Variants in NUDCD3 observed in about 807,000 individuals in gnomAD.
NUDCD3 encodes the protein nudC domain-containing protein 3.
Under a neutral mutation model 39.7 loss-of-function variants are expected in NUDCD3, and 13 were observed. That is an observed-to-expected ratio of 0.33 (90% CI 0.21 to 0.52). NUDCD3 has a LOEUF of 0.52. NUDCD3 is among the 20% of genes least tolerant of loss of function. NUDCD3 has a pLI of 0.96. For synonymous variants in NUDCD3, 175 were observed against 172.4 expected, an observed-to-expected ratio of 1.02 and a Z score of -0.12; for missense variants, 453 against 458.1, an observed-to-expected ratio of 0.99 and a Z score of 0.10.
rs115009109 is a variant in NUDCD3 at position 44,460,237 on chromosome 7, G to A, written c.509+24731C>T. Among the ~76,000 whole-genome samples, 458 of 152,330 alleles carry A rather than the reference G, an allele frequency of 3.0e-3. 4 individuals carry two copies. Among genetic ancestry groups the A allele is most frequent in the African/African-American group, 0.01 (422 of 41,568 alleles). ...ATAATATCCAGACTCCCATCAATGA[G>A]TAAGTGGAGTTAATGAGTTAACAAA... On this transcript the variant is annotated intron_variant, in intron 2 of 5. Coordinates refer to ENST00000355451, the MANE Select transcript of NUDCD3 (RefSeq NM_015332.4).
chr7:44,446,930 T>C (rs1799699695), intron 2 of NUDCD3, among the ~76,000 whole-genome samples: 1 of 152,230 alleles, frequency 6.6e-6, no homozygotes, highest in African/African-American at 2.4e-5. Flanking sequence ...ATTACATTCA[T>C]TTGAGAATTC....
chr7:44,385,298 A>G lies in NUDCD3; in HGVS notation c.*713T>C, dbSNP rs868800263. ...GCCGGGCTTGGTTCACTTCAACAAGAACCAAAGCAAGGTCGCCACAGTCAG... is the reference window on the plus strand; with the variant it reads ...GCCGGGCTTGGTTCACTTCAACAAGGACCAAAGCAAGGTCGCCACAGTCAG... On this transcript the variant is annotated 3_prime_UTR_variant, in exon 6 of 6. Coordinates refer to ENST00000355451, the MANE Select transcript of NUDCD3 (RefSeq NM_015332.4). The G allele has an allele frequency of 1.3e-5, 2 of 152,238 alleles. No homozygotes were observed. Among genetic ancestry groups the G allele is most frequent in the African/African-American group, 4.8e-5 (2 of 41,396 alleles). The allele number at this position is 152,238 out of a possible 1,614,324, so 9.4% of individuals were successfully genotyped here.
chr7:44,459,596 A>T (rs941503939), intron 2 of NUDCD3, among the ~76,000 whole-genome samples: 1 of 152,244 alleles, frequency 6.6e-6, no homozygotes, highest in Non-Finnish European at 1.5e-5. Context: ...ATAGAACTGG[A>T]TAATTCTATT....
At position 44,404,573 on chromosome 7, in the gene NUDCD3, G is replaced by C; in HGVS notation, c.653C>G (p.Ala218Gly). The change falls in exon 4 of 6, where the codon GCC (alanine) becomes GGC (glycine). Residue 218 changes from alanine to glycine, a missense_variant. By Grantham distance (60) the Ala-to-Gly change is moderately conservative. Transcript: ENST00000355451. ...CACACGAATGGAGCTGCTGCTAAGG[G>C]CCACTGAGACCTGGGGACACAGCAG... Reference protein sequence around the residue: ...HVVKGKQVSVALSSSSIRVAM... With the variant: ...HVVKGKQVSVGLSSSSIRVAM... 6.2e-7 allele frequency: 1 copy of C among 1,613,772 alleles called. No individual in the cohort carries two copies. The highest frequency in any genetic ancestry group is 8.5e-7 in the Non-Finnish European group (1 of 1,179,970).
chr7:44,477,729 T>C (rs1286338434), intron 2 of NUDCD3, among the ~76,000 whole-genome samples: 2 of 152,098 alleles, frequency 1.3e-5, no homozygotes, highest in African/African-American at 4.8e-5. Context: ...TAATCATGTC[T>C]GCAGGCACTG....
intron 3 of NUDCD3, among the ~76,000 whole-genome samples, chr7:44,409,580 T>C (rs760460346): frequency 3.3e-5 from 5 of 150,430 alleles, no homozygotes; most frequent in Non-Finnish European, 5.9e-5. Context: ...AAAAAAAAAT[T>C]AGACAAAGAA....
In NUDCD3 at chr7:44,384,617, A is replaced by G. The variant is rs991669084; in HGVS notation, c.*1394T>C. 1 of 152,202 alleles carries G rather than the reference A, an allele frequency of 6.6e-6. No homozygotes were observed. The highest frequency in any genetic ancestry group is 6.5e-5 in the Admixed American group (1 of 15,286). The allele number at this position is 152,202 out of a possible 1,614,324, so 9.4% of individuals were successfully genotyped here. On this transcript the variant is annotated 3_prime_UTR_variant, in exon 6 of 6. Transcript: ENST00000355451. ...CCCCACAACCCAAGTATCCATAGAG[A>G]GTGTGCAGGAGCGGGGACCTTCCCC...
intron 3 of NUDCD3, among the ~76,000 whole-genome samples, chr7:44,413,966 G>A (rs1798975749): frequency 6.6e-6 from 1 of 151,756 alleles, no homozygotes; most frequent in South Asian, 2.1e-4. Context: ...GAGATGGGAA[G>A]ATTGCTTAAG....
chr7:44,475,685 AG>A (rs1437120291), intron 2 of NUDCD3, among the ~76,000 whole-genome samples: 2 of 152,100 alleles, frequency 1.3e-5, no homozygotes, highest in African/African-American at 2.4e-5. Flanking sequence ...GCTTGAGCCC[AG>A]GAAGTCGAGG....
intron 4 of NUDCD3, among the ~76,000 whole-genome samples, chr7:44,399,453 T>C (rs1798681477): frequency 1.3e-5 from 2 of 152,228 alleles, no homozygotes; most frequent in Admixed American, 1.3e-4. Context: ...TCTGAGTTTA[T>C]GAAGAAGTAT....
chr7:44,469,621 CA>C (rs1800210236), intron 2 of NUDCD3, among the ~76,000 whole-genome samples: 1 of 152,154 alleles, frequency 6.6e-6, no homozygotes. Flanking sequence ...AGTAACTCCA[CA>C]GTGGAAGAAA....
At chr7:44,440,254 T>C (rs1158946413) in intron 2 of NUDCD3, among the ~76,000 whole-genome samples, 2 of 152,206 alleles carry the variant, frequency 1.3e-5, no homozygotes, top group Non-Finnish European at 2.9e-5. Flanking sequence ...CTCTGTGGTA[T>C]TCCTCTCCAA....
At chr7:44,387,929 A>T (rs980173725) in intron 5 of NUDCD3, among the ~76,000 whole-genome samples, 1 of 152,186 alleles carries the variant, frequency 6.6e-6, no homozygotes, top group Non-Finnish European at 1.5e-5. Flanking sequence ...GATCCTAGAC[A>T]CAGACACATC....
intron 2 of NUDCD3, among the ~76,000 whole-genome samples, chr7:44,462,444 A>C (rs1193377578): frequency 6.6e-6 from 1 of 152,226 alleles, no homozygotes; most frequent in Non-Finnish European, 1.5e-5. Flanking sequence ...TCCCCTAATG[A>C]CCACATGTTC....
intron 3 of NUDCD3, among the ~76,000 whole-genome samples, chr7:44,405,960 C>T (rs995380210): frequency 1.3e-5 from 2 of 152,106 alleles, no homozygotes; most frequent in Admixed American, 6.6e-5. Context: ...CCATGCCTGG[C>T]TAATTTTATT....
chr7:44,452,506 C>T (rs1012288864), intron 2 of NUDCD3, among the ~76,000 whole-genome samples: 1 of 152,162 alleles, frequency 6.6e-6, no homozygotes, highest in African/African-American at 2.4e-5. Flanking sequence ...CACAGGCCCT[C>T]CACCAGGACT....
chr7:44,439,462 T>C (rs967559361), intron 2 of NUDCD3, among the ~76,000 whole-genome samples: 2 of 152,104 alleles, frequency 1.3e-5, no homozygotes, highest in Admixed American at 1.3e-4. Flanking sequence ...TCTTGGTTTC[T>C]AAATACCATT....
At chr7:44,452,528 G>A (rs551066606) in intron 2 of NUDCD3, among the ~76,000 whole-genome samples, 1 of 152,260 alleles carries the variant, frequency 6.6e-6, no homozygotes, top group East Asian at 1.9e-4. Context: ...TCTCACAGGA[G>A]CTTCTTCCTG....
At position 44,463,138 on chromosome 7, in the gene NUDCD3, G is replaced by A. The variant is rs77232934; in HGVS notation, c.509+21830C>T. ...TGTGTCTTGACCCCGATAGGGTCAG[G>A]AGGCAGAGATGCCCAGAAACCCTAG... is the stretch of plus-strand genomic sequence containing the variant. On this transcript the variant is annotated intron_variant, in intron 2 of 5. Transcript: ENST00000355451. 9.8e-5 allele frequency among the ~76,000 whole-genome samples: 15 copies of A among 152,322 alleles called. No homozygotes were observed. The East Asian group carries it at 2.9e-3, about 29-fold the overall frequency.
Sources: gnomAD v4.1 joint callset for allele counts (sites outside exome capture counted in the v4.1 genomes callset) on GRCh38, gnomAD v4.1.1 for gene constraint, MANE v1.5 for transcripts, NCBI Gene and HGNC (gene_info 2026-07-23, HGNC 2026-07-21) for gene names.